Variants in RGS7BP observed in about 807,000 individuals in gnomAD.
The protein encoded by RGS7BP is regulator of G protein signaling 7-binding protein.
Under a neutral mutation model 31.3 loss-of-function variants are expected in RGS7BP, and 9 were observed. That is an observed-to-expected ratio of 0.29 (90% CI 0.17 to 0.50). The LOEUF (loss-of-function observed/expected upper bound fraction) is 0.50, where lower values mean the gene tolerates loss of function less well. Among genes scored for constraint, RGS7BP ranks in the 20% least tolerant of loss-of-function variants. The probability of loss-of-function intolerance (pLI) is 0.98; values close to 1 mark genes in which losing one functional copy is unlikely to be tolerated. For missense variants in RGS7BP, 274 were observed against 322.0 expected (o/e 0.85, Z 1.14); for synonymous variants, 115 against 120.1 (o/e 0.96, Z 0.28).
intron 3 of RGS7BP, among the ~76,000 whole-genome samples, chr5:64,583,833 T>C (rs1001336128): frequency 6.6e-6 from 1 of 152,248 alleles, no homozygotes; most frequent in Non-Finnish European, 1.5e-5. Context: ...TGTCTTCATA[T>C]ACCAGTGAGT....
At chr5:64,584,601 C>T (rs992786494) in intron 3 of RGS7BP, among the ~76,000 whole-genome samples, 1 of 152,144 alleles carries the variant, frequency 6.6e-6, no homozygotes, top group Non-Finnish European at 1.5e-5. Flanking sequence ...CTCCTGTGTT[C>T]CAAGGGGGCT....
intron 2 of RGS7BP, among the ~76,000 whole-genome samples, chr5:64,539,334 C>A (rs1741463232): frequency 6.6e-6 from 1 of 151,948 alleles, no homozygotes; most frequent in South Asian, 2.1e-4. Context: ...TTTTCATTTT[C>A]TTAACAGTGT....
intron 2 of RGS7BP, among the ~76,000 whole-genome samples, chr5:64,540,317 C>A (rs1167700976): frequency 6.6e-6 from 1 of 152,048 alleles, no homozygotes; most frequent in Non-Finnish European, 1.5e-5. Context: ...GTTGTATGTA[C>A]CACTTATAAT....
intron 2 of RGS7BP, among the ~76,000 whole-genome samples, chr5:64,528,281 C>T (rs1037775208): frequency 1.1e-4 from 16 of 152,106 alleles, no homozygotes; most frequent in African/African-American, 3.4e-4. Context: ...GCCAGGGAGC[C>T]AGGAGAGAAG....
intron 2 of RGS7BP, among the ~76,000 whole-genome samples, chr5:64,512,905 C>T (rs12518481): frequency 6.6e-6 from 1 of 152,054 alleles, no homozygotes; most frequent in Non-Finnish European, 1.5e-5. Flanking sequence ...CTTCATATAT[C>T]AAATAATATT....
rs1223085444 is a variant in RGS7BP at position 64,610,556 on chromosome 5, A to T, written c.*1304A>T. 6.6e-6 allele frequency: 1 copy of T among 151,986 alleles called. No individual in the cohort carries two copies. Among genetic ancestry groups the T allele is most frequent in the East Asian group, 1.9e-4 (1 of 5,182 alleles). The allele number at this position is 151,986 out of a possible 1,614,324, so 9.4% of individuals were successfully genotyped here. A position where few individuals can be genotyped will look rare whatever the true frequency, so the allele number is the denominator to read the frequency against. On this transcript the variant is annotated 3_prime_UTR_variant, in exon 6 of 6. Transcript: ENST00000334025. ...CAGTGTCCAGTACAATAGAAGGATGAGCTAGATGCCGATAAGTGGTTTATC... is the reference window on the plus strand; with the variant it reads ...CAGTGTCCAGTACAATAGAAGGATGTGCTAGATGCCGATAAGTGGTTTATC...
At chr5:64,573,025 T>G (rs1561339414) in intron 2 of RGS7BP, among the ~76,000 whole-genome samples, 1 of 139,260 alleles carries the variant, frequency 7.2e-6, no homozygotes, top group South Asian at 2.3e-4. Context: ...GTGTCCATGT[T>G]TTCTCATTGT....
At chr5:64,586,702 G>C (rs1411225549) in intron 3 of RGS7BP, among the ~76,000 whole-genome samples, 1 of 152,202 alleles carries the variant, frequency 6.6e-6, no homozygotes, top group Non-Finnish European at 1.5e-5. Context: ...CTAGCACCTA[G>C]CAGAGTGCCT....
intron 3 of RGS7BP, among the ~76,000 whole-genome samples, chr5:64,577,904 G>A (rs1742480203): frequency 6.6e-6 from 1 of 152,216 alleles, no homozygotes. Flanking sequence ...CCACTGGAAT[G>A]TTCCTTGCTG....
intron 5 of RGS7BP, among the ~76,000 whole-genome samples, chr5:64,602,564 A>G (rs1374126063): frequency 2.0e-5 from 3 of 152,174 alleles, no homozygotes; most frequent in African/African-American, 7.2e-5. Context: ...GGTGCTGAGG[A>G]GGTCTCTCCT....
chr5:64,574,139 T>C (rs998821292), intron 2 of RGS7BP, among the ~76,000 whole-genome samples: 2 of 152,174 alleles, frequency 1.3e-5, no homozygotes, highest in African/African-American at 2.4e-5. Context: ...TAGTAGATAA[T>C]ATACAAGGAT....
intron 2 of RGS7BP, among the ~76,000 whole-genome samples, chr5:64,540,882 T>C (rs433560): frequency 5.3e-5 from 8 of 151,994 alleles, no homozygotes; most frequent in Non-Finnish European, 1.0e-4. Context: ...TGAGCAAAGA[T>C]GACCTGCTAG....
At chr5:64,582,082 T>A (rs1444598394) in intron 3 of RGS7BP, among the ~76,000 whole-genome samples, 2 of 152,262 alleles carry the variant, frequency 1.3e-5, no homozygotes, top group African/African-American at 4.8e-5. Context: ...GATTGAAGCA[T>A]TACTTGACAA....
intron 5 of RGS7BP, among the ~76,000 whole-genome samples, chr5:64,601,143 T>G (rs1005059250): frequency 6.6e-6 from 1 of 152,188 alleles, no homozygotes; most frequent in Non-Finnish European, 1.5e-5. Flanking sequence ...TGAAAACCAT[T>G]ATAGAAAGCC....
chr5:64,549,179 A>G (rs2886800), intron 2 of RGS7BP, among the ~76,000 whole-genome samples: 31,340 of 152,182 alleles, frequency 0.21, 3,963 homozygotes, highest in South Asian at 0.34. Context: ...CGCCAGCTAT[A>G]TATCTGTGAA....
chr5:64,576,836 T>C (rs1307900200), intron 3 of RGS7BP, among the ~76,000 whole-genome samples: 1 of 152,196 alleles, frequency 6.6e-6, no homozygotes, highest in Admixed American at 6.5e-5. Context: ...ATTTTCTTCA[T>C]TAATTCATTG....
intron 2 of RGS7BP, among the ~76,000 whole-genome samples, chr5:64,542,179 G>A (rs1236676941): frequency 2.0e-5 from 3 of 152,094 alleles, no homozygotes; most frequent in East Asian, 1.9e-4. Flanking sequence ...AGTATCATAC[G>A]TCTTACCCAA....
intron 5 of RGS7BP, among the ~76,000 whole-genome samples, chr5:64,599,710 T>C (rs1171327858): frequency 6.6e-6 from 1 of 152,206 alleles, no homozygotes; most frequent in Non-Finnish European, 1.5e-5. Context: ...CATGGAAGAT[T>C]GTTGCCAGAA....
rs1026771134 is a variant in RGS7BP, at chr5:64,506,886, C to T, written c.165+97C>T. The stretch of plus-strand genomic sequence containing the variant: ...CATTTGCCTGAGTGCCAGCCACTCC[C>T]CCACCCTCAGCTCCTCAATGCCGAT... On this transcript the variant is annotated intron_variant, in intron 1 of 5. Transcript: ENST00000334025. This position sits in a 1 kb window ranked among gnomAD's most constrained non-coding sequence, Gnocchi z 4.6. 5.1e-5 allele frequency: 60 copies of T among 1,181,676 alleles called. No homozygotes were observed. Among genetic ancestry groups the T allele is most frequent in the Non-Finnish European group, 6.5e-5 (55 of 844,074 alleles). 73.2% of individuals were successfully genotyped at this position (1,181,676 alleles called of 1,614,324 possible). A position where few individuals can be genotyped will look rare whatever the true frequency, so the allele number is the denominator to read the frequency against.
Sources: allele counts gnomAD v4.1 joint callset (sites outside exome capture counted in the v4.1 genomes callset), GRCh38; gene constraint gnomAD v4.1.1; non-coding constraint Gnocchi (gnomAD v3.1); transcripts MANE v1.5; gene names NCBI Gene and HGNC (gene_info 2026-07-23, HGNC 2026-07-21).